TAAR1: variants seen among roughly 807,000 people sequenced by gnomAD.
TAAR1 encodes trace amine-associated receptor 1.
A neutral mutation model predicts 1.2 loss-of-function variants in TAAR1; 1 was observed. That is an observed-to-expected ratio of 0.81 (90% CI 0.29 to 3.86). The LOEUF (loss-of-function observed/expected upper bound fraction) is 3.86, where lower values mean the gene tolerates loss of function less well. Among genes scored for constraint, TAAR1 ranks in the 30% most tolerant of loss-of-function variants. TAAR1 has a pLI of 0.18. For missense variants in TAAR1, 445 were observed against 405.6 expected, an observed-to-expected ratio of 1.10 and a Z score of -0.83; for synonymous variants, 153 against 132.2, an observed-to-expected ratio of 1.16 and a Z score of -1.08.
chr6:132,643,326 CTTGTTTCCTTTTTAAAAT>C lies in TAAR1; in HGVS notation c.*1640_*1657del, dbSNP rs1777619151. Among the ~76,000 whole-genome samples, 2 of 151,872 alleles carry C rather than the reference CTTGTTTCCTTTTTAAAAT, an allele frequency of 1.3e-5. No individual in the cohort carries two copies. Among genetic ancestry groups the C allele is most frequent in the South Asian group, 4.1e-4 (2 of 4,830 alleles). On this transcript the variant is annotated 3_prime_UTR_variant, in exon 2 of 2. Coordinates refer to ENST00000275216, the MANE Select transcript of TAAR1 (RefSeq NM_138327.4). ...TAAAGTATAGAAAACTCACTAAATG[CTTGTTTCCTTTTTAAAAT>C]TTGACAGACTGGACTCACAGGTGAA...
At chr6:132,651,147 G>C (rs1777743842) in intron 1 of TAAR1, among the ~76,000 whole-genome samples, 1 of 152,082 alleles carries the variant, frequency 6.6e-6, no homozygotes, top group Non-Finnish European at 1.5e-5. Flanking sequence ...TCGGCTCCTG[G>C]GTCACCACCC....
intron 1 of TAAR1, among the ~76,000 whole-genome samples, chr6:132,655,686 C>G (rs1407736192): frequency 6.6e-6 from 1 of 152,100 alleles, no homozygotes; most frequent in Non-Finnish European, 1.5e-5. Flanking sequence ...CCGATTGCTG[C>G]CTTGAGAACA....
chr6:132,652,602 GC>G (rs1777760970), intron 1 of TAAR1, among the ~76,000 whole-genome samples: 1 of 148,654 alleles, frequency 6.7e-6, no homozygotes, highest in Admixed American at 6.8e-5. Context: ...ACCGCACCTG[GC>G]TCAGACATTA....
chr6:132,653,747 T>A (rs920414668), intron 1 of TAAR1, among the ~76,000 whole-genome samples: 1 of 152,174 alleles, frequency 6.6e-6, no homozygotes, highest in African/African-American at 2.4e-5. Context: ...ATACTGTTGT[T>A]TTACGATCTC....
intron 1 of TAAR1, among the ~76,000 whole-genome samples, chr6:132,651,498 T>C (rs1458088736): frequency 3.9e-5 from 6 of 152,206 alleles, no homozygotes; most frequent in African/African-American, 1.4e-4. Context: ...TTCTTGAACG[T>C]CCTCCATCCA....
chr6:132,651,958 T>C (rs779080365), intron 1 of TAAR1, among the ~76,000 whole-genome samples: 3 of 152,180 alleles, frequency 2.0e-5, no homozygotes, highest in Non-Finnish European at 4.4e-5. Flanking sequence ...TCTCACAATG[T>C]CTCCTAGAAC....
At chr6:132,649,806 A>G (rs1054629789) in intron 1 of TAAR1, among the ~76,000 whole-genome samples, 5 of 152,134 alleles carry the variant, frequency 3.3e-5, no homozygotes, top group Non-Finnish European at 7.4e-5. Flanking sequence ...GGGGATTATG[A>G]GAACTACAAT....
intron 1 of TAAR1, among the ~76,000 whole-genome samples, chr6:132,647,018 A>G (rs1777679426): frequency 6.6e-6 from 1 of 152,106 alleles, no homozygotes; most frequent in South Asian, 2.1e-4. Context: ...CTTATTAAGG[A>G]TTTTTGATAT....
At position 132,645,731 on chromosome 6, in the gene TAAR1, A is replaced by T. The variant is rs1562202150; in HGVS notation, c.273T>A (p.Phe91Leu). Reference protein sequence around the residue: ...MVRSAEHCWYFGEVFCKIHTS... With the variant: ...MVRSAEHCWYLGEVFCKIHTS... ...TGTGAATTTTACAGAAGACTTCTCC[A>T]AAATACCAACAGTGCTCAGCAGATC... Residue 91 changes from phenylalanine (F) to leucine (L), a missense_variant, in exon 2 of 2, where the codon TTT becomes TTA. Physicochemically the swap from Phe to Leu is conservative, Grantham distance 22 (BLOSUM62 0). Coordinates refer to ENST00000275216, the MANE Select transcript of TAAR1 (RefSeq NM_138327.4). 3 of 1,613,556 alleles carry T rather than the reference A, an allele frequency of 1.9e-6. No individual in the cohort carries two copies. Among genetic ancestry groups the T allele is most frequent in the Non-Finnish European group, 2.5e-6 (3 of 1,179,632 alleles).
At chr6:132,647,629 AAAGAAAGAAAG>A (rs1777694995) in intron 1 of TAAR1, among the ~76,000 whole-genome samples, 1 of 81,758 alleles carries the variant, frequency 1.2e-5, no homozygotes, top group African/African-American at 8.3e-5. Context: ...AAAAGGAAAG[AAAGAAAGAAAG>A]AAAGAAAGAA....
intron 1 of TAAR1, among the ~76,000 whole-genome samples, chr6:132,655,286 A>G (rs894357713): frequency 1.3e-5 from 2 of 152,292 alleles, no homozygotes; most frequent in African/African-American, 2.4e-5. Flanking sequence ...AATAATCACA[A>G]CTAAAGACTG....
At chr6:132,647,402 CACAT>C (rs1417260524) in intron 1 of TAAR1, among the ~76,000 whole-genome samples, 2 of 143,904 alleles carry the variant, frequency 1.4e-5, no homozygotes, top group Non-Finnish European at 3.0e-5. Context: ...ACATATATAA[CACAT>C]ACACAGACAT....
intron 1 of TAAR1, among the ~76,000 whole-genome samples, chr6:132,646,717 G>T (rs1323222620): frequency 6.6e-6 from 1 of 151,938 alleles, no homozygotes; most frequent in Non-Finnish European, 1.5e-5. Context: ...AGTTTTATTT[G>T]ACATTTATAA....
Position 132,645,259 on chromosome 6 carries a change from C to T in TAAR1, c.745G>A (p.Ala249Thr), listed in dbSNP as rs778955563. 2.5e-6 allele frequency: 4 copies of T among 1,613,606 alleles called. No individual in the cohort carries two copies. In the East Asian group the frequency reaches 6.7e-5, roughly 27 times the overall value. Residue 249 changes from alanine to threonine, a missense_variant, in exon 2 of 2, where the codon GCT becomes ACT. Physicochemically the swap from Ala to Thr is moderately conservative, Grantham distance 58 (BLOSUM62 0). Transcript: ENST00000275216. Reference protein sequence around the residue: ...NGISQSKERKAVKTLGIVMGV... With the variant: ...NGISQSKERKTVKTLGIVMGV... ...ATCACAATCCCCAATGTCTTCACAG[C>T]TTTCCTTTCTTTGCTTTGTGAAATT...
chr6:132,647,623 GGAAAGAAAGAAAGAAA>G (rs1554208955), intron 1 of TAAR1, among the ~76,000 whole-genome samples: 2,087 of 103,102 alleles, frequency 0.02, 28 homozygotes, highest in South Asian at 0.036. Flanking sequence ...GAAAGAAAAA[GGAAAGAAAGAAAGAAA>G]GAAAGAAAGA....
intron 1 of TAAR1, among the ~76,000 whole-genome samples, chr6:132,656,686 T>G (rs1237865588): frequency 6.6e-6 from 1 of 152,178 alleles, no homozygotes; most frequent in East Asian, 1.9e-4. Flanking sequence ...GGAAAAAGAT[T>G]GTATAAGCAC....
chr6:132,656,540 T>C (rs934695937), intron 1 of TAAR1, among the ~76,000 whole-genome samples: 14 of 152,148 alleles, frequency 9.2e-5, no homozygotes, highest in African/African-American at 1.4e-4. Flanking sequence ...CAACATGTAC[T>C]GAGCACAAAA....
At chr6:132,647,623 GGAAAGAAAGAAAGAAAGAAA>G (rs1554208955) in intron 1 of TAAR1, among the ~76,000 whole-genome samples, 1,510 of 103,090 alleles carry the variant, frequency 0.015, 13 homozygotes, top group Middle Eastern at 0.036. Flanking sequence ...GAAAGAAAAA[GGAAAGAAAGAAAGAAAGAAA>G]GAAAGAAAGA....
Position 132,657,251 on chromosome 6 carries a change from A to G in TAAR1, c.-127+1879T>C, listed in dbSNP as rs185158734. 2.1e-3 allele frequency among the ~76,000 whole-genome samples: 318 copies of G among 152,236 alleles called. 2 individuals are homozygous for G. The highest frequency in any genetic ancestry group is 7.5e-3 in the African/African-American group (312 of 41,552). The stretch of plus-strand genomic sequence containing the variant: ...GCGTAGTTATAATTAAATTTTGGAC[A>G]GTTGGTCTAGCAGCATTTTTTTAAA... On this transcript the variant is annotated intron_variant, in intron 1 of 1. Transcript: ENST00000275216.
Sources: allele counts gnomAD v4.1 joint callset (sites outside exome capture counted in the v4.1 genomes callset), GRCh38; gene constraint gnomAD v4.1.1; transcripts MANE v1.5; gene names NCBI Gene and HGNC (gene_info 2026-07-23, HGNC 2026-07-21).